Variants in DNAAF9 observed in about 807,000 individuals in gnomAD.
DNAAF9 encodes shulin.
Under a neutral mutation model 167.0 loss-of-function variants are expected in DNAAF9, and 90 were observed. The observed-to-expected ratio is 0.54, with a 90% CI of 0.45 to 0.64. The LOEUF (loss-of-function observed/expected upper bound fraction) is 0.64, where lower values mean the gene tolerates loss of function less well. DNAAF9 is among the 30% of genes least tolerant of loss of function. DNAAF9 has a pLI of 0.00. For missense variants in DNAAF9, 1,315 were observed against 1,442.2 expected (o/e 0.91, Z 1.43); for synonymous variants, 491 against 508.8 (o/e 0.96, Z 0.47).
chr20:3,326,312 A>G, intron 12 of DNAAF9, 28 bp from the exon 13 acceptor site: 1 of 1,450,384 alleles, frequency 6.9e-7, no homozygotes, highest in Non-Finnish European at 9.7e-7. Context: ...AATGGTTAAC[A>G]TTACAGCATC....
chr20:3,369,635 C>T (rs1294130202), intron 6 of DNAAF9, among the ~76,000 whole-genome samples: 1 of 152,158 alleles, frequency 6.6e-6, no homozygotes, highest in Non-Finnish European at 1.5e-5. Flanking sequence ...CCTCAGCCTC[C>T]CAAAGTGCTG....
intron 3 of DNAAF9, among the ~76,000 whole-genome samples, chr20:3,377,465 TTTC>T (rs2123231990): frequency 6.6e-6 from 1 of 150,794 alleles, no homozygotes; most frequent in African/African-American, 2.5e-5. Flanking sequence ...ATCTGTTTTC[TTTC>T]TTTTTTTTTT....
intron 1 of DNAAF9, among the ~76,000 whole-genome samples, chr20:3,393,837 ATG>A (rs1249937176): frequency 3.9e-5 from 6 of 152,206 alleles, no homozygotes; most frequent in Admixed American, 6.5e-5. Context: ...TTTCTAAATT[ATG>A]TGTTACCACT....
intron 29 of DNAAF9, among the ~76,000 whole-genome samples, chr20:3,275,061 T>C (rs1053837463): frequency 3.3e-5 from 5 of 152,208 alleles, no homozygotes; most frequent in African/African-American, 1.2e-4. Flanking sequence ...CAGAATCCCA[T>C]GCCCTGGTGC....
chr20:3,378,096 T>C (rs537348151), intron 3 of DNAAF9, among the ~76,000 whole-genome samples: 4 of 152,152 alleles, frequency 2.6e-5, no homozygotes, highest in Admixed American at 6.5e-5. Flanking sequence ...TACTGAGGCA[T>C]AGTGTTCACA....
At position 3,260,047 on chromosome 20, in the gene DNAAF9, T is replaced by C. The variant is rs779651147; in HGVS notation, c.2874-19A>G. The C allele has an allele frequency of 6.7e-6, 10 of 1,491,418 alleles. No individual in the cohort carries two copies. The highest frequency in any genetic ancestry group is 9.4e-6 in the Non-Finnish European group (10 of 1,068,252). The allele number at this position is 1,491,418 out of a possible 1,614,324, so 92.4% of individuals were successfully genotyped here. A position where few individuals can be genotyped will look rare whatever the true frequency, so the allele number is the denominator to read the frequency against. ...TTCATACCTTAAAAGGTTTAAAAAA[T>C]TTTAAGTACAGGCCGGGCGCGGTGG... On this transcript the variant is annotated intron_variant, in intron 31 of 36. Transcript: ENST00000252032.
chr20:3,398,058 T>C (rs1300592694), intron 1 of DNAAF9, among the ~76,000 whole-genome samples: 1 of 152,184 alleles, frequency 6.6e-6, no homozygotes, highest in Non-Finnish European at 1.5e-5. Context: ...TCATGATTTA[T>C]CCAGGTGCAA....
intron 33 of DNAAF9, among the ~76,000 whole-genome samples, chr20:3,258,527 T>C (rs568907279): frequency 2.6e-4 from 40 of 151,874 alleles, no homozygotes; most frequent in South Asian, 1.7e-3. Flanking sequence ...GGCAGAGAAA[T>C]TGGGGGAGGC....
chr20:3,303,242 A>C (rs2069225885), intron 21 of DNAAF9, among the ~76,000 whole-genome samples: 1 of 128,562 alleles, frequency 7.8e-6, no homozygotes, highest in Non-Finnish European at 1.6e-5. Context: ...ACTCTGTCTC[A>C]AAAAAAAAAA....
At chr20:3,293,826 C>A (rs1426490125) in intron 25 of DNAAF9, among the ~76,000 whole-genome samples, 3 of 152,086 alleles carry the variant, frequency 2.0e-5, no homozygotes, top group African/African-American at 7.2e-5. Context: ...CTGTCACAAT[C>A]AGGAAGAGCT....
At chr20:3,402,486 T>A (rs192598024) in intron 1 of DNAAF9, among the ~76,000 whole-genome samples, 1 of 152,192 alleles carries the variant, frequency 6.6e-6, no homozygotes, top group Admixed American at 6.5e-5. Flanking sequence ...AATTCCCCTA[T>A]CCAACTAAAA....
At chr20:3,385,253 T>C (rs183984550) in intron 1 of DNAAF9, among the ~76,000 whole-genome samples, 17 of 152,122 alleles carry the variant, frequency 1.1e-4, no homozygotes, top group Admixed American at 9.8e-4. Context: ...AAAAGACACA[T>C]AGACTGAAAA....
At chr20:3,388,805 G>C (rs1568644435) in intron 1 of DNAAF9, among the ~76,000 whole-genome samples, 3 of 152,154 alleles carry the variant, frequency 2.0e-5, no homozygotes, top group African/African-American at 7.2e-5. Flanking sequence ...GAGGGAATGG[G>C]GAGTTATTGT....
At chr20:3,269,325 C>T (rs2068550296) in intron 30 of DNAAF9, among the ~76,000 whole-genome samples, 1 of 151,934 alleles carries the variant, frequency 6.6e-6, no homozygotes, top group Non-Finnish European at 1.5e-5. Context: ...TCCTCCTGCC[C>T]AGCCTCCTGA....
intron 33 of DNAAF9, among the ~76,000 whole-genome samples, chr20:3,257,986 C>T (rs2068311102): frequency 1.1e-5 from 1 of 93,206 alleles, no homozygotes. Flanking sequence ...GCCTTGGCCT[C>T]CCAAAGTGCT....
chr20:3,305,558 G>T (rs1221385408), intron 20 of DNAAF9, among the ~76,000 whole-genome samples: 5 of 152,224 alleles, frequency 3.3e-5, no homozygotes, highest in Admixed American at 3.3e-4. Context: ...CTGGAGGCTG[G>T]AATGACAAGA....
chr20:3,289,424 G>A (rs930497520), intron 26 of DNAAF9, among the ~76,000 whole-genome samples: 4 of 152,020 alleles, frequency 2.6e-5, no homozygotes, highest in Non-Finnish European at 4.4e-5. Context: ...GAGTTTGGGT[G>A]ACAGAGAGAG....
intron 4 of DNAAF9, 146 bp downstream of exon 4, chr20:3,376,032 A>C: frequency 1.3e-6 from 1 of 741,072 alleles, no homozygotes; most frequent in Non-Finnish European, 2.1e-6. Flanking sequence ...TCAAAACGAA[A>C]TATGAAATTC....
At position 3,298,128 on chromosome 20, in the gene DNAAF9, T is replaced by C. The variant is rs779524400; in HGVS notation, c.1830A>G (p.Ser610=). 5 of 1,613,544 alleles carry C rather than the reference T, an allele frequency of 3.1e-6. No homozygotes were observed. The South Asian group carries it at 4.4e-5, about 14-fold the overall frequency. Residue 610 remains serine (S), a synonymous_variant, in exon 22 of 37, where the codon TCA becomes TCG. Transcript: ENST00000252032. ...VAALLIDFKS[S]LLPHLPVHFH... ...AATGAACTGGGAGGTGAGGAAGCAA[T>C]GAGCTTTTGAAGTCTATGAGAAGAG...
Sources: allele counts gnomAD v4.1 joint callset (sites outside exome capture counted in the v4.1 genomes callset), GRCh38; gene constraint gnomAD v4.1.1; transcripts MANE v1.5; gene names NCBI Gene and HGNC (gene_info 2026-07-23, HGNC 2026-07-21).